Variants in CYREN observed in about 807,000 individuals in gnomAD.
CYREN encodes the protein cell cycle regulator of non-homologous end joining.
CYREN carries 7 observed loss-of-function variants against 9.7 expected under a neutral mutation model. That is an observed-to-expected ratio of 0.72 (90% confidence interval 0.41 to 1.36). CYREN has a LOEUF of 1.36. Among genes scored for constraint, CYREN ranks in the 40% most tolerant of loss-of-function variants. CYREN has a pLI of 0.01. For synonymous variants in CYREN, 76 were observed against 77.9 expected, an observed-to-expected ratio of 0.98 and a Z score of 0.13; for missense variants, 215 against 198.1, an observed-to-expected ratio of 1.09 and a Z score of -0.51.
chr7:135,095,295 C>G (rs1301593784), intron 2 of CYREN, among the ~76,000 whole-genome samples: 1 of 152,162 alleles, frequency 6.6e-6, no homozygotes, highest in African/African-American at 2.4e-5. Context: ...TCCCCCATAC[C>G]TTACCACCAC....
chr7:135,117,651 C>A (rs28476690), intron 2 of CYREN, among the ~76,000 whole-genome samples: 1,799 of 152,234 alleles, frequency 0.012, 40 homozygotes, highest in African/African-American at 0.04. Flanking sequence ...ACAACAACAA[C>A]AAAAATCAAC....
At chr7:135,144,952 A>AAAAAAAAAAAAAAAAAAAAAAG in intron 2 of CYREN, among the ~76,000 whole-genome samples, 1 of 146,970 alleles carries the variant, frequency 6.8e-6, no homozygotes, top group Non-Finnish European at 1.5e-5. Context: ...AAAAAAAAAA[A>AAAAAAAAAAAAAAAAAAAAAAG]AAAAAAAAAA....
intron 2 of CYREN, among the ~76,000 whole-genome samples, chr7:135,126,328 C>T (rs187937925): frequency 1.7e-3 from 259 of 152,264 alleles, no homozygotes; most frequent in African/African-American, 6.1e-3. Context: ...AGGAATACAG[C>T]TAACAAGGGA....
chr7:135,153,158 A>G (rs953390080), intron 2 of CYREN: 9 of 152,230 alleles, frequency 5.9e-5, no homozygotes, highest in African/African-American at 2.2e-4. Context: ...CAGAATGACC[A>G]TTATTAAAAA....
At chr7:135,123,585 T>A (rs1562898612) in intron 2 of CYREN, among the ~76,000 whole-genome samples, 1 of 152,028 alleles carries the variant, frequency 6.6e-6, no homozygotes, top group Non-Finnish European at 1.5e-5. Context: ...CCAAGACACA[T>A]AATCTTCAGA....
chr7:135,146,076 T>G (rs904761832), intron 2 of CYREN, among the ~76,000 whole-genome samples: 3 of 152,224 alleles, frequency 2.0e-5, no homozygotes, highest in African/African-American at 7.2e-5. Context: ...CAATTTTAAA[T>G]GAAAGACATG....
chr7:135,149,669 T>C (rs1261114092), intron 2 of CYREN, among the ~76,000 whole-genome samples: 3 of 152,222 alleles, frequency 2.0e-5, no homozygotes, highest in African/African-American at 4.8e-5. Flanking sequence ...AGTTTAACCA[T>C]ATTTTTGGTA....
intron 2 of CYREN, chr7:135,129,287 C>A: frequency 6.6e-7 from 1 of 1,504,830 alleles, no homozygotes; most frequent in African/African-American, 1.4e-5. Flanking sequence ...GTACCTTGTG[C>A]AGGTTGACCT....
rs1162392379 is a variant in CYREN at position 135,128,849 on chromosome 7, G to A, written n.357-34267C>T. ...GCTGTGTGCAGGATGTGGAATCATT[G>A]TTAAATATGATCCAGGAAATCTTGG... On this transcript the variant is annotated intron_variant and non_coding_transcript_variant, in intron 2 of 2. Transcript: ENST00000459937. The A allele has an allele frequency of 2.1e-5, 25 of 1,218,062 alleles. No homozygotes were observed. The East Asian group carries it at 4.4e-4, about 22-fold the overall frequency. 75.5% of individuals were successfully genotyped at this position (1,218,062 alleles called of 1,614,324 possible).
intron 2 of CYREN, among the ~76,000 whole-genome samples, chr7:135,159,091 G>A (rs1247829258): frequency 6.6e-6 from 1 of 152,186 alleles, no homozygotes; most frequent in Non-Finnish European, 1.5e-5. Context: ...CACATCAGGA[G>A]CCTCTCCCGA....
chr7:135,116,533 G>A (rs1826336446), intron 2 of CYREN, among the ~76,000 whole-genome samples: 1 of 152,180 alleles, frequency 6.6e-6, no homozygotes, highest in Non-Finnish European at 1.5e-5. Flanking sequence ...GAGAGAAAGA[G>A]GTACTTCATT....
At chr7:135,158,740 T>C (rs1829856028) in intron 2 of CYREN, among the ~76,000 whole-genome samples, 1 of 151,988 alleles carries the variant, frequency 6.6e-6, no homozygotes, top group African/African-American at 2.4e-5. Flanking sequence ...CTCACATCTG[T>C]CTCAATAGCA....
chr7:135,119,804 G>A (rs755402774), intron 2 of CYREN, among the ~76,000 whole-genome samples: 2 of 152,150 alleles, frequency 1.3e-5, no homozygotes, highest in African/African-American at 4.8e-5. Flanking sequence ...ATGAACCTGG[G>A]AGGCAGAGCT....
At chr7:135,162,802 T>A (rs963790799), downstream of CYREN, among the ~76,000 whole-genome samples, 1 of 152,290 alleles carries the variant, frequency 6.6e-6, no homozygotes, top group South Asian at 2.1e-4. Flanking sequence ...AAAATACACA[T>A]ATGTAAAATA....
intron 2 of CYREN, among the ~76,000 whole-genome samples, chr7:135,137,677 G>C (rs980289847): frequency 1.2e-4 from 18 of 152,038 alleles, no homozygotes; most frequent in Admixed American, 7.2e-4. Flanking sequence ...GAAGAGAGTG[G>C]AGTGAAACAT....
At chr7:135,105,488 G>T (rs765002831) in intron 2 of CYREN, among the ~76,000 whole-genome samples, 2 of 152,160 alleles carry the variant, frequency 1.3e-5, no homozygotes, top group African/African-American at 4.8e-5. Flanking sequence ...ATTGAATAGG[G>T]AATCTTTCCC....
chr7:135,140,277 C>A (rs1013511033), intron 2 of CYREN, among the ~76,000 whole-genome samples: 5 of 151,950 alleles, frequency 3.3e-5, no homozygotes, highest in Non-Finnish European at 5.9e-5. Context: ...ACATCTTTCA[C>A]GTCCCTGGTT....
Position 135,123,937 on chromosome 7 carries a change from C to T in CYREN, n.357-29355G>A, listed in dbSNP as rs544946038. Among the ~76,000 whole-genome samples the T allele has an allele frequency of 1.3e-3, 198 of 152,048 alleles. 3 individuals carry two copies. Among genetic ancestry groups the T allele is most frequent in the African/African-American group, 4.7e-3 (196 of 41,530 alleles). ...AAAACCAGTACCAGCCACTGCAAAACCACACCAAAATATAAAGACCAATGA... is the reference window on the plus strand; with the variant it reads ...AAAACCAGTACCAGCCACTGCAAAATCACACCAAAATATAAAGACCAATGA... On this transcript the variant is annotated intron_variant and non_coding_transcript_variant, in intron 2 of 2. Coordinates refer to the CYREN transcript ENST00000459937.
chr7:135,131,458 T>TA (rs1293686985), intron 2 of CYREN, among the ~76,000 whole-genome samples: 2 of 113,924 alleles, frequency 1.8e-5, no homozygotes, highest in Admixed American at 9.0e-5. Context: ...GAAACAAAAA[T>TA]TAAAAAAAAA....
Sources: gnomAD v4.1 joint callset for allele counts (sites outside exome capture counted in the v4.1 genomes callset) on GRCh38, gnomAD v4.1.1 for gene constraint, MANE v1.5 for transcripts, NCBI Gene and HGNC (gene_info 2026-07-23, HGNC 2026-07-21) for gene names.